Variants in MYH7 observed in about 807,000 individuals in gnomAD.
MYH7 encodes the protein myosin-7.
In MYH7, 129 loss-of-function variants were observed where a neutral mutation model predicts 225.4. That is an observed-to-expected ratio of 0.57 (90% confidence interval 0.50 to 0.66). MYH7 has a LOEUF of 0.66. MYH7 is among the 30% of genes least tolerant of loss of function. MYH7 has a pLI of 0.00. For synonymous variants in MYH7, 971 were observed against 1,007.6 expected (o/e 0.96, Z 0.69); for missense variants, 1,649 against 2,517.0 (o/e 0.66, Z 7.38).
At position 23,427,263 on chromosome 14, in the gene MYH7, G is replaced by A; in HGVS notation, c.1933C>T (p.Gln645Ter). 1 of 1,614,112 alleles carries A rather than the reference G, an allele frequency of 6.2e-7. No homozygotes were observed. Among genetic ancestry groups the A allele is most frequent in the Non-Finnish European group, 8.5e-7 (1 of 1,180,040 alleles). The change falls in exon 17 of 40, where the codon CAG becomes TAG. Residue 645 changes from glutamine to a stop codon, truncating the protein, a stop_gained. Coordinates refer to ENST00000355349, the MANE Select transcript of MYH7 (RefSeq NM_000257.4). LOFTEE classifies it high-confidence loss of function. ...KGKAKKGSSF[Q>*]TVSALHRENL... Reference sequence around the variant, plus strand: ...ACCCTGTGCAGAGCTGACACAGTCTGAAAGGACGAGCCTTTCTTGGCCTTG... The same window carrying A: ...ACCCTGTGCAGAGCTGACACAGTCTAAAAGGACGAGCCTTTCTTGGCCTTG...
Position 23,420,345 on chromosome 14 carries a change from C to T in MYH7, c.3337-111G>A, listed in dbSNP as rs1005437307. On this transcript the variant is annotated intron_variant, in intron 26 of 39. Transcript: ENST00000355349. ...GAACAGCAAGTCAGTTTAGCTCTTC[C>T]AGTGGAGAGGTGGGAATTAAAGGAT... 2.5e-5 allele frequency: 38 copies of T among 1,534,432 alleles called. No individual in the cohort carries two copies. The Admixed American group carries it at 7.4e-4, about 30-fold the overall frequency.
chr14:23,422,153 A>G (rs1595079853), intron 25 of MYH7, 27 bp downstream of exon 25: 5 of 1,611,886 alleles, frequency 3.1e-6, no homozygotes, highest in Non-Finnish European at 4.2e-6. Context: ...GGGGAGGAGG[A>G]AGGGCAGCAG....
In MYH7 at chr14:23,432,790, G is replaced by A; in HGVS notation, c.351C>T (p.Tyr117=). The A allele has an allele frequency of 6.2e-7, 1 of 1,614,230 alleles. No homozygotes were observed. Among genetic ancestry groups the A allele is most frequent in the Non-Finnish European group, 8.5e-7 (1 of 1,180,046 alleles). Residue 117 remains tyrosine (Y), a synonymous_variant, in exon 5 of 40, where the codon TAC becomes TAT. Transcript: ENST00000355349. ...DRYGSWMIYT[Y]SGLFCVTVNP... is the part of the protein sequence containing the mutation. Reference sequence around the variant, plus strand: ...TGACGGTGACACAGAAGAGGCCCGAGTAGGTCTGGGGATAGAAAAGGAGCA... The same window carrying A: ...TGACGGTGACACAGAAGAGGCCCGAATAGGTCTGGGGATAGAAAAGGAGCA...
rs1387093084 is a variant in MYH7 at position 23,433,421 on chromosome 14, G to A, written c.201+111C>T. The A allele has an allele frequency of 6.9e-7, 1 of 1,455,190 alleles. No individual in the cohort carries two copies. The highest frequency in any genetic ancestry group is 1.4e-5 in the African/African-American group (1 of 71,842). 90.1% of individuals were successfully genotyped at this position (1,455,190 alleles called of 1,614,324 possible). On this transcript the variant is annotated intron_variant, in intron 3 of 39. Coordinates refer to ENST00000355349, the MANE Select transcript of MYH7 (RefSeq NM_000257.4). This position sits in a 1 kb window ranked among gnomAD's most constrained non-coding sequence, Gnocchi z 4.1. ...CTGGATTCTTCCCCAAAGGGAAGGA[G>A]AATGGGACCATCCTCAGGTCTGCAT...
chr14:23,423,522 G>T, intron 24 of MYH7, 25 bp downstream of exon 24: 2 of 1,595,588 alleles, frequency 1.3e-6, no homozygotes, highest in Non-Finnish European at 1.7e-6. Flanking sequence ...GCATATCTAG[G>T]CCCCACAACT....
intron 24 of MYH7, among the ~76,000 whole-genome samples, chr14:23,423,208 T>G (rs536147735): frequency 2.0e-5 from 3 of 152,320 alleles, no homozygotes; most frequent in Admixed American, 6.5e-5. Flanking sequence ...AAATTTATCA[T>G]GTTCTTATGA....
chr14:23,430,952 C>T lies in MYH7; in HGVS notation c.844G>A (p.Asp282Asn). Residue 282 changes from aspartate to asparagine, a missense_variant, in exon 10 of 40, where the codon GAT (aspartate) becomes AAT (asparagine). Transcript: ENST00000355349. ...RVIFQLKAER[D>N]YHIFYQILSN... is the part of the protein sequence containing the mutation. Reference sequence around the variant, plus strand: ...AGGATTTGGTAGAAAATGTGATAATCTCTCTCTGCTTTCAGCTGGAAAATA... The same window carrying T: ...AGGATTTGGTAGAAAATGTGATAATTTCTCTCTGCTTTCAGCTGGAAAATA... 1.2e-6 allele frequency: 2 copies of T among 1,614,006 alleles called. No individual in the cohort carries two copies. The highest frequency in any genetic ancestry group is 1.7e-6 in the Non-Finnish European group (2 of 1,179,874).
intron 24 of MYH7, among the ~76,000 whole-genome samples, chr14:23,422,745 C>T (rs1454289880): frequency 4.0e-5 from 6 of 151,622 alleles, no homozygotes; most frequent in Admixed American, 3.9e-4. Flanking sequence ...ATTATTCTGC[C>T]TCAGCCTCCT....
At chr14:23,419,334 C>G (rs1174906903) in intron 28 of MYH7, 39 bp from the exon 29 acceptor site, 1 of 1,612,916 alleles carries the variant, frequency 6.2e-7, no homozygotes, top group Admixed American at 1.7e-5. Flanking sequence ...TCCTCTCTAT[C>G]CCCACCTCCT....
chr14:23,415,024 C>T lies in MYH7; in HGVS notation c.5530G>A (p.Glu1844Lys), dbSNP rs730880821. The T allele has an allele frequency of 5.6e-6, 9 of 1,610,424 alleles. No individual in the cohort carries two copies. The highest frequency in any genetic ancestry group is 5.3e-5 in the African/African-American group (4 of 74,930). The change falls in exon 37 of 40, where the codon GAG becomes AAG. Residue 1844 changes from glutamate to lysine, a missense_variant. Coordinates refer to ENST00000355349, the MANE Select transcript of MYH7 (RefSeq NM_000257.4). This position sits in a 1 kb window ranked among gnomAD's most constrained non-coding sequence, Gnocchi z 6.3. ...TAGGTGAGCTCCTTGATGCGCCGCT[C>T]GCTCTTCCTCATGCCCTTCACCGAC... ...AESVKGMRKSERRIKELTYQT... is the reference protein window; with the variant it reads ...AESVKGMRKSKRRIKELTYQT...
In MYH7 at chr14:23,416,909, C is replaced by T. The variant is rs758608878; in HGVS notation, c.4603G>A (p.Ala1535Thr). 3.1e-6 allele frequency: 5 copies of T among 1,614,268 alleles called. No homozygotes were observed. The highest frequency in any genetic ancestry group is 2.2e-5 in the South Asian group (2 of 91,088). The change falls in exon 33 of 40, where the codon GCC becomes ACC. Residue 1535 changes from alanine to threonine, a missense_variant. Ala to Thr is a moderately conservative substitution (Grantham distance 58, BLOSUM62 0). Around this residue, in one of 12 missense-constraint regions of MYH7, gnomAD observed 687 missense variants for 913.8 expected, o/e 0.75. Coordinates refer to ENST00000355349, the MANE Select transcript of MYH7 (RefSeq NM_000257.4). ...GCTGACTGCAGCTCCATCTTCTCGG[C>T]CTCCAGCTGCTTTCGGACCTTCTCC... ...ELEKVRKQLEAEKMELQSALE... is the reference protein window; with the variant it reads ...ELEKVRKQLETEKMELQSALE...
In MYH7 at chr14:23,422,106, G is replaced by A; in HGVS notation, c.3245+74C>T. The A allele has an allele frequency of 2.5e-6, 4 of 1,604,018 alleles. No homozygotes were observed. In the South Asian group the frequency reaches 3.3e-5, roughly 13 times the overall value. ...GCTGCGTGAGGTTGTTGCCTCAGAG[G>A]ATGGCTGTCTTGGGTCTGCTTGTAC... On this transcript the variant is annotated intron_variant, in intron 25 of 39. Transcript: ENST00000355349.
In MYH7 at chr14:23,417,380, C is replaced by T; in HGVS notation, c.4354-62G>A. Reference sequence around the variant, plus strand: ...CCTCAGCCCCATGTCCAGGGTCTGTCTCAGGACCTGCCTGGGCTCAGCCCT... The same window carrying T: ...CCTCAGCCCCATGTCCAGGGTCTGTTTCAGGACCTGCCTGGGCTCAGCCCT... On this transcript the variant is annotated intron_variant, in intron 31 of 39. Coordinates refer to ENST00000355349, the MANE Select transcript of MYH7 (RefSeq NM_000257.4). 1.9e-6 allele frequency: 3 copies of T among 1,611,946 alleles called. No homozygotes were observed. In the East Asian group the frequency reaches 6.7e-5, roughly 36 times the overall value.
chr14:23,423,345 A>T (rs890415667), intron 24 of MYH7, among the ~76,000 whole-genome samples: 1 of 151,678 alleles, frequency 6.6e-6, no homozygotes, highest in African/African-American at 2.4e-5. Context: ...ATTGATCACC[A>T]CCTCTGACTT....
intron 11 of MYH7, 80 bp downstream of exon 11, chr14:23,430,480 G>C: frequency 8.8e-7 from 1 of 1,138,834 alleles, no homozygotes; most frequent in Admixed American, 1.9e-5. Flanking sequence ...AATGGCCAGC[G>C]TCTTAGCTCT....
In MYH7 at chr14:23,419,490, G is replaced by C. The variant is rs948996596; in HGVS notation, c.3846C>G (p.Thr1282=). 2.5e-6 allele frequency: 4 copies of C among 1,613,954 alleles called. No individual in the cohort carries two copies. In the African/African-American group the frequency reaches 4.0e-5, roughly 16 times the overall value. Residue 1282 remains threonine (T), a synonymous_variant, in exon 28 of 40, where the codon ACC becomes ACG. Transcript: ENST00000355349. The part of the protein sequence containing the change: ...DLTSQRAKLQ[T]ENGELSRQLD... ...CCCCTGCTCTAGGCTCACCATTCTC[G>C]GTTTGCAACTTGGCCCGCTGGCTGG...
intron 25 of MYH7, among the ~76,000 whole-genome samples, chr14:23,421,940 T>C (rs1892488303): frequency 1.3e-5 from 2 of 152,188 alleles, no homozygotes; most frequent in Non-Finnish European, 2.9e-5. Context: ...ACTGAGTGCC[T>C]AACAAGAAGA....
intron 26 of MYH7, among the ~76,000 whole-genome samples, chr14:23,420,603 A>G (rs1247915496): frequency 1.3e-5 from 2 of 152,242 alleles, no homozygotes; most frequent in African/African-American, 4.8e-5. Context: ...CTCTAGAGTA[A>G]GGAGGAAAGT....
chr14:23,420,917 G>A (rs980185741), intron 26 of MYH7, 41 bp downstream of exon 26: 2 of 1,512,594 alleles, frequency 1.3e-6, no homozygotes, highest in African/African-American at 2.7e-5. Context: ...AACAGAACCA[G>A]CCCAGGGACT....
Sources: gnomAD v4.1 joint callset for allele counts (sites outside exome capture counted in the v4.1 genomes callset) on GRCh38, gnomAD v4.1.1 for gene constraint, gnomAD v4.1.1 regional missense constraint, Gnocchi (gnomAD v3.1) non-coding constraint, MANE v1.5 for transcripts, NCBI Gene and HGNC (gene_info 2026-07-23, HGNC 2026-07-21) for gene names.